The following KIFC3 variants were observed in gnomAD, a reference collection of about 807,000 sequenced individuals.
KIFC3 encodes kinesin family member C3.
Under a neutral mutation model 101.8 loss-of-function variants are expected in KIFC3, and 60 were observed. The ratio of observed to expected loss-of-function variants is 0.59; its 90% CI spans 0.48 to 0.73. The LOEUF is 0.73. KIFC3 is among the 30% of genes least tolerant of loss of function. The pLI, the probability that KIFC3 is intolerant of heterozygous loss-of-function variation, is 0.00. For synonymous variants in KIFC3, 476 were observed against 482.7 expected (o/e 0.99, Z 0.18); for missense variants, 966 against 1,137.1 (o/e 0.85, Z 2.16).
chr16:57,804,904 A>C (rs1555626613), upstream of KIFC3, among the ~76,000 whole-genome samples: 3 of 65,136 alleles, frequency 4.6e-5, no homozygotes, highest in Non-Finnish European at 6.5e-5. Context: ...TGCCTGACTC[A>C]ATTTTTTTTT....
chr16:57,812,352 TAAA>T, intron 1 of KIFC3, among the ~76,000 whole-genome samples: 1 of 137,598 alleles, frequency 7.3e-6, no homozygotes, highest in Non-Finnish European at 1.6e-5. Context: ...CCCCATCTCT[TAAA>T]AAAAAAAAAA....
chr16:57,837,554 GAAGAAAGAAAGA>G (rs141109331), intron 1 of KIFC3, among the ~76,000 whole-genome samples: 9 of 99,916 alleles, frequency 9.0e-5, no homozygotes, highest in Non-Finnish European at 1.3e-4. Context: ...AGGAAGGAAG[GAAGAAAGAAAGA>G]AAGAAAGAAA....
intron 1 of KIFC3, among the ~76,000 whole-genome samples, chr16:57,851,927 G>T (rs2056068323): frequency 6.6e-6 from 1 of 152,042 alleles, no homozygotes. Context: ...TTTTAGTAGA[G>T]ATGGGGTTTC....
intron 4 of KIFC3, 74 bp downstream of exon 4, chr16:57,772,149 C>G: frequency 7.5e-7 from 1 of 1,340,202 alleles, no homozygotes; most frequent in Non-Finnish European, 1.0e-6. Context: ...GGTCGCACCC[C>G]TGCCCCTGGC....
chr16:57,771,121 C>G (rs1362359820), intron 6 of KIFC3, 77 bp downstream of exon 6: 3 of 1,555,658 alleles, frequency 1.9e-6, no homozygotes, highest in Non-Finnish European at 2.6e-6. Context: ...CCAGGACAAG[C>G]CCCCCTTATG....
intron 1 of KIFC3, among the ~76,000 whole-genome samples, chr16:57,833,866 C>CTTTTTTTTTTTT (rs201843937): frequency 9.0e-6 from 1 of 111,296 alleles, no homozygotes; most frequent in East Asian, 2.7e-4. Flanking sequence ...AATGCAGTTG[C>CTTTTTTTTTTTT]TTTTTTTTTT....
At chr16:57,806,213 C>T (rs1349558059), upstream of KIFC3, among the ~76,000 whole-genome samples, 1 of 152,200 alleles carries the variant, frequency 6.6e-6, no homozygotes, top group Non-Finnish European at 1.5e-5. Flanking sequence ...ATAAGATTTA[C>T]ATGATTTTCC....
At chr16:57,802,733 A>G, upstream of KIFC3, 1 of 784,772 alleles carries the variant, frequency 1.3e-6, no homozygotes, top group Middle Eastern at 3.4e-4. The surrounding 1 kb of genome is among the most constrained non-coding windows in gnomAD (Gnocchi z 5.0). Context: ...GCACTGGCAC[A>G]CGTGCTCATG....
chr16:57,765,265 G>A (rs1222949398), intron 11 of KIFC3, among the ~76,000 whole-genome samples, 194 bp downstream of exon 11: 2 of 152,108 alleles, frequency 1.3e-5, no homozygotes, highest in Non-Finnish European at 2.9e-5. Context: ...TCCTAAGGAG[G>A]CTTTCAAGGG....
At chr16:57,802,550 C>T (rs1343069614), upstream of KIFC3, 5 of 988,882 alleles carry the variant, frequency 5.1e-6, no homozygotes, top group African/African-American at 3.5e-5. The surrounding 1 kb of genome is among the most constrained non-coding windows in gnomAD (Gnocchi z 5.0). Flanking sequence ...CCATGGCAAC[C>T]GGCTCCGACC....
At chr16:57,862,682 G>T in intron 1 of KIFC3, 1 of 692,598 alleles carries the variant, frequency 1.4e-6, no homozygotes, top group South Asian at 1.6e-5. Context: ...CTCTCCAACA[G>T]GCCTCCTCCT....
At chr16:57,847,207 G>C (rs1360745387) in intron 1 of KIFC3, among the ~76,000 whole-genome samples, 3 of 53,512 alleles carry the variant, frequency 5.6e-5, no homozygotes, top group African/African-American at 2.4e-4. Context: ...AGGAAGGAAG[G>C]AAGGAAGGAA....
rs1555608340 is a variant in KIFC3, at chr16:57,771,547, C to T, written c.521G>A (p.Ser174Asn). The change falls in exon 5 of 20, where the codon AGC (serine) becomes AAC (asparagine). Residue 174 changes from serine to asparagine, a missense_variant. Physicochemically the swap from Ser to Asn is conservative, Grantham distance 46. Around this residue, in one of 2 missense-constraint regions of KIFC3, gnomAD observed 277 missense variants for 252.5 expected, o/e 1.10. Transcript: ENST00000445690. ...PAGPCPGCEH[S>N]QESAQLRDKL... ...GACCACGGCCATTCTGCTCACCTGG[C>T]TGTGCTCACAACCTGGGCAGGGACC... 3 of 1,612,876 alleles carry T rather than the reference C, an allele frequency of 1.9e-6. No homozygotes were observed. The highest frequency in any genetic ancestry group is 4.5e-5 in the East Asian group (2 of 44,868).
Position 57,770,678 on chromosome 16 carries a change from A to T in KIFC3, c.788T>A (p.Val263Glu), listed in dbSNP as rs1369103839. The T allele has an allele frequency of 2.0e-6, 3 of 1,531,510 alleles. No individual in the cohort carries two copies. The highest frequency in any genetic ancestry group is 1.4e-5 in the African/African-American group (1 of 72,398). The allele number at this position is 1,531,510 out of a possible 1,614,324, so 94.9% of individuals were successfully genotyped here. ...GGCCTGCTTGGTCTTGGACGACTCC[A>T]CCTCCACTGTCTTGATGACATACTG... is the stretch of plus-strand genomic sequence containing the variant. ...PVKYVIKTVE[V>E]ESSKTKQALS... Residue 263 changes from valine (V) to glutamate (E), a missense_variant, in exon 7 of 20, where the codon GTG becomes GAG. By Grantham distance (121) the Val-to-Glu change is moderately radical. Around this residue, in one of 2 missense-constraint regions of KIFC3, gnomAD observed 689 missense variants for 884.6 expected, o/e 0.78. Transcript: ENST00000445690.
At chr16:57,774,812 C>T in intron 3 of KIFC3, 1 of 1,182,362 alleles carries the variant, frequency 8.5e-7, no homozygotes, top group Non-Finnish European at 1.1e-6. Flanking sequence ...CCGTTGTGAG[C>T]CCCTGCGCCC....
At chr16:57,766,791 G>T in intron 10 of KIFC3, 83 bp downstream of exon 10, 1 of 852,606 alleles carries the variant, frequency 1.2e-6, no homozygotes, top group East Asian at 2.5e-5. Flanking sequence ...GTGCCTCAAT[G>T]GTGGGGTGAG....
At chr16:57,775,103 G>T in intron 3 of KIFC3, 3 of 1,478,302 alleles carry the variant, frequency 2.0e-6, no homozygotes, top group Non-Finnish European at 2.7e-6. Context: ...TGCGGCCCAG[G>T]GTTCTGTTCT....
rs372962924 is a variant in KIFC3 at position 57,810,631 on chromosome 16, C to G, written c.109-12349G>C. 7.1e-6 allele frequency: 7 copies of G among 985,362 alleles called. No individual in the cohort carries two copies. The South Asian group carries it at 2.3e-4, about 33-fold the overall frequency. 61.0% of individuals were successfully genotyped at this position (985,362 alleles called of 1,614,324 possible). A position where few individuals can be genotyped will look rare whatever the true frequency, so the allele number is the denominator to read the frequency against. On this transcript the variant is annotated intron_variant, in intron 1 of 2. Coordinates refer to the KIFC3 transcript ENST00000563028. ...CAAACTTCCATCCACCCCAGACAAC[C>G]AGAATGTGCAGGGCCCTGAATGCCA...
intron 7 of KIFC3, 117 bp from the exon 8 acceptor site, chr16:57,770,072 A>C: frequency 2.1e-5 from 25 of 1,206,230 alleles, no homozygotes; most frequent in Non-Finnish European, 2.6e-5. Flanking sequence ...GCACACACAC[A>C]TGTGCACACC....
Sources: allele counts gnomAD v4.1 joint callset (sites outside exome capture counted in the v4.1 genomes callset), GRCh38; gene constraint gnomAD v4.1.1; regional missense constraint gnomAD v4.1.1; non-coding constraint Gnocchi (gnomAD v3.1); transcripts MANE v1.5; gene names NCBI Gene and HGNC (gene_info 2026-07-23, HGNC 2026-07-21).